Variants in CSMD1 observed in about 807,000 individuals in gnomAD.
CSMD1 encodes CUB and Sushi multiple domains 1.
A neutral mutation model predicts 417.5 loss-of-function variants in CSMD1; 213 were observed. The ratio of observed to expected loss-of-function variants is 0.51; its 90% CI spans 0.46 to 0.57. The LOEUF is 0.57. Among genes scored for constraint, CSMD1 ranks in the 20% least tolerant of loss-of-function variants. The pLI, the probability that CSMD1 is intolerant of heterozygous loss-of-function variation, is 0.00. For synonymous variants in CSMD1, 2,862 were observed against 1,736.8 expected (o/e 1.65, Z -16.11); for missense variants, 6,923 against 4,529.7 (o/e 1.53, Z -15.17).
At chr8:4,248,887 A>G (rs1439052982) in intron 3 of CSMD1, among the ~76,000 whole-genome samples, 6 of 124,870 alleles carry the variant, frequency 4.8e-5, no homozygotes, top group African/African-American at 9.7e-5. Context: ...TTTCTGTTGG[A>G]AAAAAAAATC....
intron 3 of CSMD1, among the ~76,000 whole-genome samples, chr8:4,222,995 G>A (rs528397539): frequency 6.6e-6 from 1 of 152,048 alleles, no homozygotes; most frequent in East Asian, 1.9e-4. Context: ...TTAGATTAAA[G>A]CAAATAAATA....
In CSMD1 at chr8:3,754,168, G is replaced by A. The variant is rs151219957; in HGVS notation, c.819-126C>T. 522 of 556,982 alleles carry A rather than the reference G, an allele frequency of 9.4e-4. 1 individual carries two copies. Among genetic ancestry groups the A allele is most frequent in the African/African-American group, 8.6e-3 (459 of 53,240 alleles). The allele number at this position is 556,982 out of a possible 1,614,324, so 34.5% of individuals were successfully genotyped here. ...TTGAGATGCTTAAAACAGAGGCCATGTATTAATTGACTTTGAACCTTAAAA... is the reference window on the plus strand; with the variant it reads ...TTGAGATGCTTAAAACAGAGGCCATATATTAATTGACTTTGAACCTTAAAA... On this transcript the variant is annotated intron_variant, in intron 5 of 69. Transcript: ENST00000635120.
intron 2 of CSMD1, among the ~76,000 whole-genome samples, chr8:4,605,909 A>G (rs1006486569): frequency 3.3e-5 from 5 of 152,186 alleles, no homozygotes; most frequent in African/African-American, 9.7e-5. Context: ...TCCCGAGATC[A>G]ATGCTGGGAG....
intron 10 of CSMD1, among the ~76,000 whole-genome samples, chr8:3,544,222 C>T (rs186519984): frequency 1.3e-5 from 2 of 152,102 alleles, no homozygotes; most frequent in Non-Finnish European, 2.9e-5. Context: ...GTTTACTAAA[C>T]AGACCCAAAA....
intron 7 of CSMD1, among the ~76,000 whole-genome samples, chr8:3,704,574 C>G (rs1213146441): frequency 2.0e-5 from 3 of 152,140 alleles, no homozygotes; most frequent in Non-Finnish European, 4.4e-5. Flanking sequence ...TGTAATTCAG[C>G]TGTCAAAGCA....
intron 3 of CSMD1, among the ~76,000 whole-genome samples, chr8:4,200,821 G>A (rs748894528): frequency 1.8e-4 from 27 of 152,314 alleles, no homozygotes; most frequent in African/African-American, 6.5e-4. Flanking sequence ...TTAGGCCACT[G>A]CACTCTCGCC....
chr8:3,064,381 T>A (rs1180972745), intron 49 of CSMD1, among the ~76,000 whole-genome samples: 1 of 152,138 alleles, frequency 6.6e-6, no homozygotes, highest in Non-Finnish European at 1.5e-5. Flanking sequence ...CCTAGCTCTC[T>A]CCCTCCTGCT....
chr8:4,458,146 G>C (rs1018299209), intron 2 of CSMD1, among the ~76,000 whole-genome samples: 3 of 152,064 alleles, frequency 2.0e-5, no homozygotes, highest in South Asian at 2.1e-4. Context: ...TTATGGTTTT[G>C]CTGTCTTGAG....
intron 1 of CSMD1, among the ~76,000 whole-genome samples, chr8:4,661,453 G>A (rs191800004): frequency 6.6e-6 from 1 of 152,164 alleles, no homozygotes; most frequent in African/African-American, 2.4e-5. Flanking sequence ...TATAGAAATG[G>A]AGAACAGATT....
chr8:4,197,143 C>G (rs1799383979), intron 3 of CSMD1, among the ~76,000 whole-genome samples: 1 of 152,172 alleles, frequency 6.6e-6, no homozygotes, highest in Non-Finnish European at 1.5e-5. Context: ...CAAACTACAA[C>G]AAGGTTATCA....
rs908345517 is a variant in CSMD1, at chr8:3,939,011, T to C, written c.818+58892A>G. 2.0e-5 allele frequency among the ~76,000 whole-genome samples: 3 copies of C among 152,188 alleles called. No homozygotes were observed. The East Asian group carries it at 5.8e-4, about 29-fold the overall frequency. On this transcript the variant is annotated intron_variant, in intron 5 of 69. Coordinates refer to ENST00000635120, the MANE Select transcript of CSMD1 (RefSeq NM_033225.6). ...GAATGGGGTGGGGTAGAATATTACA[T>C]GTATAGTGAAATGGATTTTTATTCC...
intron 2 of CSMD1, among the ~76,000 whole-genome samples, chr8:4,611,502 T>G (rs1361081497): frequency 6.6e-6 from 1 of 152,172 alleles, no homozygotes; most frequent in Non-Finnish European, 1.5e-5. Context: ...ATATAAAACT[T>G]GTGGATAAAA....
intron 5 of CSMD1, among the ~76,000 whole-genome samples, chr8:3,936,216 A>G (rs80182245): frequency 0.062 from 9,387 of 152,136 alleles, 348 homozygotes; most frequent in South Asian, 0.11. Context: ...GCGTAACATA[A>G]AAGGGCAAGG....
intron 3 of CSMD1, among the ~76,000 whole-genome samples, chr8:4,215,157 A>T (rs991148784): frequency 2.6e-5 from 4 of 152,206 alleles, no homozygotes; most frequent in African/African-American, 7.2e-5. Flanking sequence ...GACGCATCCC[A>T]AACAGGGGCT....
intron 5 of CSMD1, among the ~76,000 whole-genome samples, chr8:3,937,006 G>A (rs980581661): frequency 1.3e-5 from 2 of 152,160 alleles, no homozygotes; most frequent in African/African-American, 4.8e-5. Context: ...TGACTTTGTT[G>A]GGTTAAAGGT....
chr8:3,353,225 G>C (rs931406381), intron 21 of CSMD1, among the ~76,000 whole-genome samples: 1 of 152,298 alleles, frequency 6.6e-6, no homozygotes. Context: ...CTTTCTGAAT[G>C]GGATGGGTTA....
At chr8:3,141,408 G>A (rs911934292) in intron 41 of CSMD1, among the ~76,000 whole-genome samples, 1 of 152,180 alleles carries the variant, frequency 6.6e-6, no homozygotes, top group African/African-American at 2.4e-5. Flanking sequence ...GTTTGACTCT[G>A]AAACAAAATT....
At chr8:3,561,939 C>A (rs1205078840) in intron 10 of CSMD1, among the ~76,000 whole-genome samples, 5 of 152,274 alleles carry the variant, frequency 3.3e-5, no homozygotes, top group African/African-American at 9.6e-5. Context: ...CAGATGATCT[C>A]CCGTGAGCTG....
intron 3 of CSMD1, among the ~76,000 whole-genome samples, chr8:4,171,186 T>A (rs1797745300): frequency 6.6e-6 from 1 of 151,844 alleles, no homozygotes; most frequent in African/African-American, 2.4e-5. Flanking sequence ...CAAATATCCA[T>A]CACCATCACA....
Sources: gnomAD v4.1 joint callset for allele counts (sites outside exome capture counted in the v4.1 genomes callset) on GRCh38, gnomAD v4.1.1 for gene constraint, MANE v1.5 for transcripts, NCBI Gene and HGNC (gene_info 2026-07-23, HGNC 2026-07-21) for gene names.